MAGI2: variants seen among roughly 807,000 people sequenced by gnomAD.
The protein encoded by MAGI2 is membrane-associated guanylate kinase, WW and PDZ domain-containing protein 2.
A neutral mutation model predicts 133.3 loss-of-function variants in MAGI2; 35 were observed. That is an observed-to-expected ratio of 0.26 (90% CI 0.20 to 0.35). The LOEUF is 0.35. Ranked by LOEUF, MAGI2 falls within the 10% of genes least tolerant of loss-of-function variation. MAGI2 has a pLI of 1.00. For synonymous variants in MAGI2, 729 were observed against 710.6 expected, an observed-to-expected ratio of 1.03 and a Z score of -0.41; for missense variants, 1,636 against 1,863.4, an observed-to-expected ratio of 0.88 and a Z score of 2.25.
intron 1 of MAGI2, among the ~76,000 whole-genome samples, chr7:79,385,190 A>C (rs540359494): frequency 2.0e-5 from 3 of 151,952 alleles, no homozygotes; most frequent in African/African-American, 7.2e-5. Flanking sequence ...GTTGTAATGG[A>C]CTAGAAGGCG....
At chr7:79,292,073 T>A (rs1836529085) in intron 1 of MAGI2, among the ~76,000 whole-genome samples, 1 of 152,176 alleles carries the variant, frequency 6.6e-6, no homozygotes, top group South Asian at 2.1e-4. Context: ...TTATAGTTAA[T>A]TTTTATATGT....
chr7:78,709,311 C>T (rs1325625593), intron 2 of MAGI2, among the ~76,000 whole-genome samples: 2 of 151,774 alleles, frequency 1.3e-5, no homozygotes, highest in African/African-American at 4.8e-5. Flanking sequence ...ACACCTCCCT[C>T]AGGCTTCAAC....
chr7:78,412,920 TC>T (rs1216206986), intron 6 of MAGI2, among the ~76,000 whole-genome samples: 26 of 152,204 alleles, frequency 1.7e-4, no homozygotes, highest in Admixed American at 1.7e-3. Context: ...TATGAATGCT[TC>T]CGAAAGGTGG....
rs577084018 is a variant in MAGI2, at chr7:78,354,219, T to C, written c.1104-8176A>G. Among the ~76,000 whole-genome samples the C allele has an allele frequency of 2.0e-5, 3 of 152,306 alleles. No homozygotes were observed. The East Asian group carries it at 5.8e-4, about 29-fold the overall frequency. On this transcript the variant is annotated intron_variant, in intron 7 of 21. Coordinates refer to ENST00000354212, the MANE Select transcript of MAGI2 (RefSeq NM_012301.4). ...TTCTGTGTACAAGGAAGGGTGAGAATAGTCTGACTTGTAACATACTCTATG... is the reference window on the plus strand; with the variant it reads ...TTCTGTGTACAAGGAAGGGTGAGAACAGTCTGACTTGTAACATACTCTATG...
At chr7:78,940,058 C>T (rs1800848586) in intron 2 of MAGI2, among the ~76,000 whole-genome samples, 1 of 152,146 alleles carries the variant, frequency 6.6e-6, no homozygotes, top group Admixed American at 6.6e-5. Flanking sequence ...ATTGCCTCAT[C>T]CCCATGTGTG....
chr7:78,537,989 G>C (rs6974204), intron 3 of MAGI2, among the ~76,000 whole-genome samples: 87,230 of 152,060 alleles, frequency 0.57, 25,303 homozygotes, highest in East Asian at 0.83. Flanking sequence ...AGATTTAAGT[G>C]TTTCTTCTAT....
intron 2 of MAGI2, among the ~76,000 whole-genome samples, chr7:78,854,753 A>G (rs1305102975): frequency 6.6e-6 from 1 of 151,584 alleles, no homozygotes; most frequent in African/African-American, 2.4e-5. Context: ...TGTCCAATGC[A>G]TTATTTTCTC....
intron 1 of MAGI2, among the ~76,000 whole-genome samples, chr7:79,035,774 A>G (rs1177089283): frequency 6.6e-6 from 1 of 152,204 alleles, no homozygotes; most frequent in Non-Finnish European, 1.5e-5. Context: ...ATCTAGACTC[A>G]TGGAGAGCAC....
chr7:78,561,702 C>A (rs557191641), intron 3 of MAGI2, among the ~76,000 whole-genome samples: 6 of 152,062 alleles, frequency 3.9e-5, no homozygotes, highest in Non-Finnish European at 8.8e-5. Flanking sequence ...GCAGCAGCAC[C>A]CTCAGGGGTT....
chr7:78,599,223 C>A (rs1423095933), intron 3 of MAGI2, among the ~76,000 whole-genome samples: 1 of 152,086 alleles, frequency 6.6e-6, no homozygotes, highest in Non-Finnish European at 1.5e-5. Flanking sequence ...TTATTTCCTA[C>A]CTTTTCATTA....
intron 6 of MAGI2, among the ~76,000 whole-genome samples, chr7:78,488,375 A>G (rs1009270051): frequency 8.5e-5 from 13 of 152,096 alleles, no homozygotes; most frequent in Non-Finnish European, 8.8e-5. Flanking sequence ...TAATAAAAAG[A>G]ACAACTCAAA....
At chr7:79,060,365 A>T (rs1006733674) in intron 1 of MAGI2, among the ~76,000 whole-genome samples, 7 of 152,064 alleles carry the variant, frequency 4.6e-5, no homozygotes, top group African/African-American at 1.4e-4. Context: ...TTTAAAAAAA[A>T]ACTTGGTGTA....
intron 3 of MAGI2, among the ~76,000 whole-genome samples, chr7:78,584,820 T>G (rs1803233715): frequency 1.3e-5 from 2 of 152,220 alleles, no homozygotes; most frequent in Non-Finnish European, 2.9e-5. Context: ...GCTGTTTTAT[T>G]GTTTAATGTT....
chr7:78,543,517 G>A (rs1437767046), intron 3 of MAGI2, among the ~76,000 whole-genome samples: 2 of 152,190 alleles, frequency 1.3e-5, no homozygotes, highest in Admixed American at 6.5e-5. Flanking sequence ...ACTTCATTCA[G>A]CAATTTCCTT....
rs869221931 is a variant in MAGI2, at chr7:78,206,294, C to CT, written c.2048-5102dup. On this transcript the variant is annotated intron_variant, in intron 10 of 21. Coordinates refer to ENST00000354212, the MANE Select transcript of MAGI2 (RefSeq NM_012301.4). ...CAACTTTTCTTTTTCCTTTTCCTTT[C>CT]TTTTTTTTTTTTTTTGAGATGGAGT... Among the ~76,000 whole-genome samples the CT allele has an allele frequency of 8.3e-3, 372 of 44,746 alleles. 1 individual carries two copies. The highest frequency in any genetic ancestry group is 0.011 in the Middle Eastern group (1 of 92). The allele number at this position is 44,746 out of a possible 152,430, so 29.4% of individuals were successfully genotyped here. A position where few individuals can be genotyped will look rare whatever the true frequency, so the allele number is the denominator to read the frequency against.
chr7:78,576,495 G>A (rs991496064), intron 3 of MAGI2, among the ~76,000 whole-genome samples: 1 of 151,956 alleles, frequency 6.6e-6, no homozygotes, highest in East Asian at 1.9e-4. Flanking sequence ...TTCCAAGGCA[G>A]GTCATATAAA....
rs1253661338 is a variant in MAGI2 at position 78,054,260 on chromosome 7, C to T, written c.3706+24687G>A. ...CCTGCCTCAGCCTCCTGAGTAGCTG[C>T]GACTACAAGTGTGCATCACCACGCC... On this transcript the variant is annotated intron_variant, in intron 21 of 21. Coordinates refer to ENST00000354212, the MANE Select transcript of MAGI2 (RefSeq NM_012301.4). Among the ~76,000 whole-genome samples the T allele has an allele frequency of 2.6e-5, 4 of 151,962 alleles. No individual in the cohort carries two copies. In the South Asian group the frequency reaches 6.2e-4, roughly 24 times the overall value.
chr7:78,789,770 C>T (rs1827115523), intron 2 of MAGI2, among the ~76,000 whole-genome samples: 2 of 152,152 alleles, frequency 1.3e-5, no homozygotes, highest in Admixed American at 1.3e-4. Context: ...CCTTGTTGTG[C>T]TATCACGTAC....
At chr7:78,544,918 C>G (rs902780068) in intron 3 of MAGI2, among the ~76,000 whole-genome samples, 10 of 151,476 alleles carry the variant, frequency 6.6e-5, no homozygotes, top group Non-Finnish European at 7.4e-5. Flanking sequence ...TTTGGCCTCC[C>G]GAAGGGCTGG....
Sources: gnomAD v4.1 joint callset for allele counts (sites outside exome capture counted in the v4.1 genomes callset) on GRCh38, gnomAD v4.1.1 for gene constraint, MANE v1.5 for transcripts, NCBI Gene and HGNC (gene_info 2026-07-23, HGNC 2026-07-21) for gene names.